Variants in ALKBH3 observed in about 807,000 individuals in gnomAD.
ALKBH3 encodes the protein alkB homolog 3, alpha-ketoglutarate dependent dioxygenase, also known as alpha-ketoglutarate-dependent dioxygenase alkB homolog 3.
Under a neutral mutation model 43.9 loss-of-function variants are expected in ALKBH3, and 51 were observed. The observed-to-expected ratio is 1.16, with a 90% CI of 0.93 to 1.47. ALKBH3 has a LOEUF of 1.47. Ranked by LOEUF, ALKBH3 falls within the 40% of genes most tolerant of loss-of-function variation. The pLI is 0.00. For synonymous variants in ALKBH3, 102 were observed against 115.2 expected, an observed-to-expected ratio of 0.89 and a Z score of 0.73; for missense variants, 361 against 351.9, an observed-to-expected ratio of 1.03 and a Z score of -0.21.
chr11:43,883,325 TG>T, intron 3 of ALKBH3, 137 bp downstream of exon 3: 1 of 622,960 alleles, frequency 1.6e-6, no homozygotes, highest in Non-Finnish European at 2.7e-6. Flanking sequence ...AATAATGAAA[TG>T]AGAAATATTT....
intron 9 of ALKBH3, 151 bp from the exon 10 acceptor site, chr11:43,919,767 C>G: frequency 1.4e-6 from 1 of 695,896 alleles, no homozygotes; most frequent in Non-Finnish European, 2.4e-6. Context: ...AAGAAGGGAC[C>G]TTTCTCCACA....
At chr11:43,896,644 CT>C (rs1367658449) in intron 7 of ALKBH3, among the ~76,000 whole-genome samples, 16 of 152,292 alleles carry the variant, frequency 1.1e-4, no homozygotes, top group African/African-American at 3.8e-4. Flanking sequence ...AGGATCAATA[CT>C]TTGTATCCTT....
chr11:43,887,967 T>G (rs1185289616), intron 5 of ALKBH3, among the ~76,000 whole-genome samples: 9 of 151,820 alleles, frequency 5.9e-5, no homozygotes, highest in Admixed American at 4.6e-4. Context: ...TTTTTTTTTT[T>G]TTTGTATTTT....
chr11:43,905,442 G>GTTTTTTGT (rs1951889389), intron 8 of ALKBH3, among the ~76,000 whole-genome samples: 1 of 144,840 alleles, frequency 6.9e-6, no homozygotes, highest in Non-Finnish European at 1.5e-5. Flanking sequence ...TTTGTTTTTT[G>GTTTTTTGT]TTTTTTTTTT....
At chr11:43,896,942 A>AC (rs1951823147) in intron 7 of ALKBH3, among the ~76,000 whole-genome samples, 1 of 148,616 alleles carries the variant, frequency 6.7e-6, no homozygotes, top group Non-Finnish European at 1.5e-5. Flanking sequence ...TATTTAAAGC[A>AC]TTTTTTTTTT....
intron 4 of ALKBH3, among the ~76,000 whole-genome samples, chr11:43,884,561 C>T (rs1951735037): frequency 6.6e-6 from 1 of 152,050 alleles, no homozygotes. Context: ...GCTTTGACTC[C>T]TCTTTTTATG....
intron 7 of ALKBH3, chr11:43,897,165 A>G (rs1229679614): frequency 4.0e-6 from 2 of 494,038 alleles, no homozygotes; most frequent in Non-Finnish European, 8.0e-6. Context: ...TTATATATAA[A>G]ATAATATGAA....
In ALKBH3 at chr11:43,920,081, C is replaced by A; in HGVS notation, c.*71C>A. On this transcript the variant is annotated 3_prime_UTR_variant, in exon 10 of 10. Transcript: ENST00000302708. ...TCCACTGAGAAGCCACTTCAAGAGGCTGGTGCTGCTAGATCTCATGATGTG... is the reference window on the plus strand; with the variant it reads ...TCCACTGAGAAGCCACTTCAAGAGGATGGTGCTGCTAGATCTCATGATGTG... 7.2e-7 allele frequency: 1 copy of A among 1,386,188 alleles called. No individual in the cohort carries two copies. Among genetic ancestry groups the A allele is most frequent in the Non-Finnish European group, 1.0e-6 (1 of 979,008 alleles). The allele number at this position is 1,386,188 out of a possible 1,614,324, so 85.9% of individuals were successfully genotyped here. A position where few individuals can be genotyped will look rare whatever the true frequency, so the allele number is the denominator to read the frequency against.
At chr11:43,917,639 G>C (rs1330073577) in intron 8 of ALKBH3, among the ~76,000 whole-genome samples, 1 of 151,448 alleles carries the variant, frequency 6.6e-6, no homozygotes, top group East Asian at 1.9e-4. Flanking sequence ...TGTCTCCTCT[G>C]TCTGGATTTT....
At chr11:43,898,864 G>T (rs1020040049) in intron 7 of ALKBH3, 2 of 761,858 alleles carry the variant, frequency 2.6e-6, no homozygotes. Context: ...GGATTACATT[G>T]ATAGATTATT....
rs1315501237 is a variant in ALKBH3, at chr11:43,882,646, G to C, written c.-7G>C. 2 of 1,610,146 alleles carry C rather than the reference G, an allele frequency of 1.2e-6. No individual in the cohort carries two copies. Among genetic ancestry groups the C allele is most frequent in the Non-Finnish European group, 8.5e-7 (1 of 1,178,922 alleles). On this transcript the variant is annotated 5_prime_UTR_variant, in exon 2 of 10. Coordinates refer to ENST00000302708, the MANE Select transcript of ALKBH3 (RefSeq NM_139178.4). ...GAAAGCTCGGAGCAGAAGCCTTTTT[G>C]GTCAACATGGAGGAAAAAAGACGGC...
At chr11:43,903,466 A>G (rs534302926) in intron 8 of ALKBH3, among the ~76,000 whole-genome samples, 5 of 152,184 alleles carry the variant, frequency 3.3e-5, no homozygotes, top group African/African-American at 9.7e-5. Context: ...ATGGAACCTC[A>G]GCTTGTTGCC....
chr11:43,901,369 C>T, intron 7 of ALKBH3, 147 bp from the exon 8 acceptor site: 1 of 784,534 alleles, frequency 1.3e-6, no homozygotes, highest in Non-Finnish European at 2.0e-6. Context: ...TTCTTGCCTT[C>T]TGTTTATTGC....
intron 2 of ALKBH3, 102 bp downstream of exon 2, chr11:43,882,833 C>A: frequency 7.9e-7 from 1 of 1,258,874 alleles, no homozygotes; most frequent in Non-Finnish European, 1.1e-6. Context: ...TTTCAATTGA[C>A]GTCAAGGAAT....
At chr11:43,908,012 G>T (rs1951908237) in intron 8 of ALKBH3, among the ~76,000 whole-genome samples, 1 of 152,182 alleles carries the variant, frequency 6.6e-6, no homozygotes. Context: ...AAAAAGGGAT[G>T]ATTCAATGGC....
intron 8 of ALKBH3, among the ~76,000 whole-genome samples, chr11:43,913,847 C>G (rs1314909929): frequency 2.0e-5 from 3 of 152,144 alleles, no homozygotes; most frequent in African/African-American, 7.2e-5. Context: ...TTTAAATTGC[C>G]CAGTGTTTTT....
chr11:43,892,076 T>C lies in ALKBH3; in HGVS notation c.406T>C (p.Tyr136His), dbSNP rs775691855. 6.2e-7 allele frequency: 1 copy of C among 1,613,718 alleles called. No homozygotes were observed. Among genetic ancestry groups the C allele is most frequent in the Non-Finnish European group, 8.5e-7 (1 of 1,179,622 alleles). Residue 136 changes from tyrosine to histidine, a missense_variant, in exon 7 of 10, where the codon TAT becomes CAT. Transcript: ENST00000302708. ...TCAGCAACCAAGACTTACAGCATGG[T>C]ATGGAGAACTTCCTTACACTTATTC... ...TYQQPRLTAW[Y>H]GELPYTYSRI...
In ALKBH3 at chr11:43,919,515, C is replaced by T. The variant is rs1242468780; in HGVS notation, c.768+379C>T. 4 of 285,562 alleles carry T rather than the reference C, an allele frequency of 1.4e-5. No homozygotes were observed. The Admixed American group carries it at 1.9e-4, about 14-fold the overall frequency. 17.7% of individuals were successfully genotyped at this position (285,562 alleles called of 1,614,324 possible). ...GACTATCTTATTGGAATACACAGCT[C>T]TGCAGCTAGGCCATGCCATTTTTAG... On this transcript the variant is annotated intron_variant, in intron 9 of 9. Coordinates refer to ENST00000302708, the MANE Select transcript of ALKBH3 (RefSeq NM_139178.4).
intron 8 of ALKBH3, among the ~76,000 whole-genome samples, chr11:43,917,739 C>T (rs1951995341): frequency 6.6e-6 from 1 of 152,128 alleles, no homozygotes; most frequent in Non-Finnish European, 1.5e-5. Context: ...CTCTGGTTGT[C>T]TGAGGGGTCA....
Sources: allele counts gnomAD v4.1 joint callset (sites outside exome capture counted in the v4.1 genomes callset), GRCh38; gene constraint gnomAD v4.1.1; transcripts MANE v1.5; gene names NCBI Gene and HGNC (gene_info 2026-07-23, HGNC 2026-07-21).